Variants in LGSN observed in about 807,000 individuals in gnomAD.
LGSN encodes lengsin.
LGSN carries 21 observed loss-of-function variants against 19.5 expected under a neutral mutation model. The observed-to-expected ratio is 1.07, with a 90% CI of 0.76 to 1.55. The LOEUF is 1.55. LGSN is among the 40% of genes most tolerant of loss of function. The pLI is 0.00. For synonymous variants in LGSN, 257 were observed against 215.6 expected (o/e 1.19, Z -1.68); for missense variants, 673 against 608.5 (o/e 1.11, Z -1.12).
chr6:63,369,264 G>A, the LGSN span, among the ~76,000 whole-genome samples: 16 of 152,278 alleles, frequency 1.1e-4, no homozygotes, highest in East Asian at 3.1e-3. Context: ...TGTCCATTAT[G>A]ACTAATAAAT....
intron 1 of LGSN, among the ~76,000 whole-genome samples, chr6:63,308,654 T>C (rs945704141): frequency 2.0e-5 from 3 of 152,040 alleles, no homozygotes; most frequent in Non-Finnish European, 1.5e-5. Context: ...ATAATAGTTA[T>C]AGTCCGAGGT....
the LGSN span, among the ~76,000 whole-genome samples, chr6:63,336,351 A>G: frequency 6.6e-6 from 1 of 152,190 alleles, no homozygotes; most frequent in Non-Finnish European, 1.5e-5. Flanking sequence ...CATGTAGCCT[A>G]TAAATATGTA....
chr6:63,461,616 A>C, the LGSN span, among the ~76,000 whole-genome samples: 13 of 152,348 alleles, frequency 8.5e-5, no homozygotes, highest in South Asian at 1.9e-3. Context: ...TCCAGAAGAG[A>C]TATGCTGCAG....
At chr6:63,338,923 C>T in the LGSN span, among the ~76,000 whole-genome samples, 3 of 152,026 alleles carry the variant, frequency 2.0e-5, no homozygotes, top group Non-Finnish European at 4.4e-5. Context: ...TCTTCATAGA[C>T]CCAATTATTA....
upstream of LGSN, among the ~76,000 whole-genome samples, chr6:63,323,060 C>T (rs1769123199): frequency 6.6e-6 from 1 of 152,178 alleles, no homozygotes; most frequent in South Asian, 2.1e-4. Context: ...ATGATTTTCA[C>T]ATATCCTTAA....
At chr6:63,362,944 C>T in the LGSN span, among the ~76,000 whole-genome samples, 1 of 152,312 alleles carries the variant, frequency 6.6e-6, no homozygotes, top group African/African-American at 2.4e-5. Flanking sequence ...AGACACCTCC[C>T]AGTAGGGGCC....
the LGSN span, among the ~76,000 whole-genome samples, chr6:63,340,356 T>C: frequency 4.6e-5 from 7 of 152,138 alleles, no homozygotes; most frequent in African/African-American, 1.7e-4. Flanking sequence ...AAATAGATTT[T>C]CTACATGTTT....
In LGSN at chr6:63,302,492, C is replaced by T. The variant is rs574181313; in HGVS notation, c.31-7447G>A. Reference sequence around the variant, plus strand: ...AACTCTAGAATGATATACATTTGGACGGGATAGGAATACTAAAAGCTCTAA... The same window carrying T: ...AACTCTAGAATGATATACATTTGGATGGGATAGGAATACTAAAAGCTCTAA... On this transcript the variant is annotated intron_variant, in intron 1 of 3. Coordinates refer to ENST00000370657, the MANE Select transcript of LGSN (RefSeq NM_016571.3). Among the ~76,000 whole-genome samples the T allele has an allele frequency of 1.5e-4, 23 of 152,188 alleles. No individual in the cohort carries two copies. The East Asian group carries it at 2.3e-3, about 15-fold the overall frequency.
At chr6:63,288,464 A>C (rs1392688373) in intron 2 of LGSN, among the ~76,000 whole-genome samples, 1 of 143,078 alleles carries the variant, frequency 7.0e-6, no homozygotes, top group East Asian at 2.0e-4. Flanking sequence ...AAAGGGCTGG[A>C]AAAAAAAAAA....
chr6:63,409,432 C>T, the LGSN span, among the ~76,000 whole-genome samples: 3 of 152,156 alleles, frequency 2.0e-5, no homozygotes, highest in Non-Finnish European at 4.4e-5. Context: ...ATCTAAACTT[C>T]TTGATCAAGT....
chr6:63,393,207 G>A, the LGSN span, among the ~76,000 whole-genome samples: 12 of 150,876 alleles, frequency 8.0e-5, no homozygotes, highest in African/African-American at 2.0e-4. Context: ...TCACTCTGTC[G>A]CCCAGGCTGG....
chr6:63,500,370 T>C, the LGSN span, among the ~76,000 whole-genome samples: 39 of 152,192 alleles, frequency 2.6e-4, 1 homozygote. Context: ...TGAGAATCCT[T>C]GCTTCTCTGC....
the LGSN span, among the ~76,000 whole-genome samples, chr6:63,408,924 T>G: frequency 6.6e-6 from 1 of 152,224 alleles, no homozygotes; most frequent in African/African-American, 2.4e-5. Context: ...TCTTTGTTTT[T>G]CTTTGAGATG....
At chr6:63,559,650 C>G in the LGSN span, among the ~76,000 whole-genome samples, 1 of 152,000 alleles carries the variant, frequency 6.6e-6, no homozygotes, top group South Asian at 2.1e-4. Flanking sequence ...GAGGCTGAGG[C>G]AGGAGAATCA....
chr6:63,382,246 A>T, the LGSN span, among the ~76,000 whole-genome samples: 1 of 152,210 alleles, frequency 6.6e-6, no homozygotes, highest in African/African-American at 2.4e-5. Context: ...CTTCACTATA[A>T]ATACTTACTA....
the LGSN span, among the ~76,000 whole-genome samples, chr6:63,326,651 G>A: frequency 3.9e-5 from 6 of 152,318 alleles, no homozygotes; most frequent in South Asian, 8.3e-4. Flanking sequence ...TGGTGTGCTG[G>A]CACTGCTAGG....
the LGSN span, among the ~76,000 whole-genome samples, chr6:63,537,203 T>C: frequency 6.6e-6 from 1 of 152,172 alleles, no homozygotes; most frequent in Non-Finnish European, 1.5e-5. Context: ...AGTAGAAGTA[T>C]TTCCTGGTCG....
chr6:63,530,267 G>A, the LGSN span, among the ~76,000 whole-genome samples: 3 of 152,182 alleles, frequency 2.0e-5, no homozygotes, highest in South Asian at 4.2e-4. Flanking sequence ...GTGAAGAAAA[G>A]GCATAGATGT....
the LGSN span, chr6:63,441,891 G>T: frequency 3.9e-6 from 1 of 259,538 alleles, no homozygotes; most frequent in Non-Finnish European, 7.5e-6. Context: ...CTTTGTGTCC[G>T]GAATAATGGG....
Sources: gnomAD v4.1 joint callset for allele counts (sites outside exome capture counted in the v4.1 genomes callset) on GRCh38, gnomAD v4.1.1 for gene constraint, MANE v1.5 for transcripts, NCBI Gene and HGNC (gene_info 2026-07-23, HGNC 2026-07-21) for gene names.